CSMD3: variants seen among roughly 807,000 people sequenced by gnomAD.
CSMD3 encodes CUB and sushi domain-containing protein 3.
In CSMD3, 177 loss-of-function variants were observed where a neutral mutation model predicts 435.2. The ratio of observed to expected loss-of-function variants is 0.41; its 90% CI spans 0.36 to 0.46. The LOEUF (loss-of-function observed/expected upper bound fraction) is 0.46, where lower values mean the gene tolerates loss of function less well. Among genes scored for constraint, CSMD3 ranks in the 20% least tolerant of loss-of-function variants. The pLI, the probability that CSMD3 is intolerant of heterozygous loss-of-function variation, is 0.34. For synonymous variants in CSMD3, 1,656 were observed against 1,520.5 expected (o/e 1.09, Z -2.07); for missense variants, 4,265 against 4,504.6 (o/e 0.95, Z 1.52).
At chr8:112,810,985 T>C (rs1204916169) in intron 12 of CSMD3, among the ~76,000 whole-genome samples, 1 of 152,056 alleles carries the variant, frequency 6.6e-6, no homozygotes, top group Non-Finnish European at 1.5e-5. Flanking sequence ...TTTTTGTTCA[T>C]GGCTAATCAA....
rs765681491 is a variant in CSMD3 at position 112,287,144 on chromosome 8, G to A, written c.9251C>T (p.Thr3084Ile). 3 of 1,613,752 alleles carry A rather than the reference G, an allele frequency of 1.9e-6. No homozygotes were observed. The highest frequency in any genetic ancestry group is 1.7e-4 in the Middle Eastern group (1 of 6,058). ...TKSTVRYACD[T>I]GYILHGSEER... Reference sequence around the variant, plus strand: ...TTCTGAGCCATGAAGGATGTAACCAGTATCACAAGCATAACGTACAGTACT... The same window carrying A: ...TTCTGAGCCATGAAGGATGTAACCAATATCACAAGCATAACGTACAGTACT... The change falls in exon 58 of 71, where the codon ACT (threonine) becomes ATT (isoleucine). Residue 3084 changes from threonine (T) to isoleucine (I), a missense_variant. Physicochemically the swap from Thr to Ile is moderately conservative, Grantham distance 89. Around this residue, in one of 3 missense-constraint regions of CSMD3, gnomAD observed 3,255 missense variants for 3,380.2 expected, o/e 0.96. Transcript: ENST00000297405.
chr8:112,569,666 G>T (rs1361786333), intron 24 of CSMD3, among the ~76,000 whole-genome samples: 1 of 152,076 alleles, frequency 6.6e-6, no homozygotes, highest in East Asian at 1.9e-4. Context: ...ATTAAATAGG[G>T]CAGGTATCAT....
At chr8:113,167,976 A>C (rs537211236) in intron 4 of CSMD3, among the ~76,000 whole-genome samples, 1 of 152,300 alleles carries the variant, frequency 6.6e-6, no homozygotes, top group Non-Finnish European at 1.5e-5. Context: ...TATTTAAAAT[A>C]ATATGTTTGA....
In CSMD3 at chr8:113,028,237, G is replaced by A. The variant is rs114610404; in HGVS notation, c.918-9058C>T. ...GTTACTCTTCTAATTGCTTTTGGGT[G>A]TCACAAACTGTGCCCATGCAAGATG... On this transcript the variant is annotated intron_variant, in intron 5 of 70. Coordinates refer to ENST00000297405, the MANE Select transcript of CSMD3 (RefSeq NM_198123.2). Among the ~76,000 whole-genome samples, 1,222 of 152,046 alleles carry A rather than the reference G, an allele frequency of 8.0e-3. 22 individuals carry two copies. Among genetic ancestry groups the A allele is most frequent in the African/African-American group, 0.027 (1,143 of 41,564 alleles).
rs10615805 is a variant in CSMD3 at position 113,397,821 on chromosome 8, AAAATAAATAAATAAAT to A, written c.178+38840_178+38855del. On this transcript the variant is annotated intron_variant, in intron 1 of 70. Coordinates refer to ENST00000297405, the MANE Select transcript of CSMD3 (RefSeq NM_198123.2). ...CGCGAAGGAGCGAGAGTCCGTCTCA[AAAATAAATAAATAAAT>A]AAATAAATAAATAAATAAATAAATA... is the stretch of plus-strand genomic sequence containing the variant. Among the ~76,000 whole-genome samples the A allele has an allele frequency of 5.1e-3, 731 of 143,132 alleles. 8 individuals carry two copies. The highest frequency in any genetic ancestry group is 0.016 in the African/African-American group (630 of 38,688). 93.9% of individuals were successfully genotyped at this position (143,132 alleles called of 152,430 possible).
Position 113,019,063 on chromosome 8 carries a change from A to C in CSMD3, c.1030+4T>G, listed in dbSNP as rs767834963. The C allele has an allele frequency of 6.4e-7, 1 of 1,561,606 alleles. No homozygotes were observed. Among genetic ancestry groups the C allele is most frequent in the Non-Finnish European group, 8.8e-7 (1 of 1,132,096 alleles). On this transcript the variant is annotated splice_donor_region_variant and intron_variant, in intron 6 of 70. Coordinates refer to ENST00000297405, the MANE Select transcript of CSMD3 (RefSeq NM_198123.2). ...AAAGAGGCAAAGGTATTCCATAAGT[A>C]TACCTTGATAGGGAGCACTAAATCC...
intron 12 of CSMD3, among the ~76,000 whole-genome samples, chr8:112,800,629 A>G (rs1467517649): frequency 6.6e-6 from 1 of 152,036 alleles, no homozygotes; most frequent in African/African-American, 2.4e-5. Flanking sequence ...ATATCTTAAC[A>G]TTCCCAGTTT....
intron 3 of CSMD3, among the ~76,000 whole-genome samples, chr8:113,223,120 C>T (rs981080331): frequency 2.7e-5 from 4 of 150,360 alleles, no homozygotes; most frequent in Non-Finnish European, 6.0e-5. Context: ...AATATTTACT[C>T]AAAAGTATAA....
intron 45 of CSMD3, among the ~76,000 whole-genome samples, chr8:112,320,201 C>A (rs1424867051): frequency 6.6e-6 from 1 of 151,818 alleles, no homozygotes; most frequent in Non-Finnish European, 1.5e-5. Flanking sequence ...TATTTCTTAC[C>A]CTTATTCTAG....
intron 10 of CSMD3, among the ~76,000 whole-genome samples, chr8:112,870,842 T>A (rs1229708136): frequency 6.6e-6 from 1 of 152,004 alleles, no homozygotes; most frequent in African/African-American, 2.4e-5. Flanking sequence ...AATACTAAAC[T>A]AGCAGATAAA....
At chr8:112,536,705 A>C (rs1465764719) in intron 27 of CSMD3, among the ~76,000 whole-genome samples, 3 of 149,206 alleles carry the variant, frequency 2.0e-5, no homozygotes, top group Non-Finnish European at 4.4e-5. Context: ...TGCTGCTATA[A>C]AGACACACGC....
chr8:113,348,282 G>A (rs1440220058), intron 1 of CSMD3, among the ~76,000 whole-genome samples: 1 of 152,082 alleles, frequency 6.6e-6, no homozygotes, highest in African/African-American at 2.4e-5. Context: ...ACAGCACTGT[G>A]AGGTACCTGT....
intron 61 of CSMD3, among the ~76,000 whole-genome samples, chr8:112,257,160 T>C (rs1199984545): frequency 3.3e-5 from 5 of 152,178 alleles, no homozygotes; most frequent in African/African-American, 9.7e-5. Flanking sequence ...TCATACTGAA[T>C]GGGCAAAAAC....
chr8:113,069,596 C>T (rs2089013855), intron 5 of CSMD3, among the ~76,000 whole-genome samples: 1 of 151,972 alleles, frequency 6.6e-6, no homozygotes, highest in Non-Finnish European at 1.5e-5. Flanking sequence ...GCAAGATGTC[C>T]AGATGTGGGC....
intron 4 of CSMD3, among the ~76,000 whole-genome samples, chr8:113,108,240 C>T (rs1160034411): frequency 6.6e-6 from 1 of 151,940 alleles, no homozygotes. Flanking sequence ...CCATCCTGGA[C>T]AACATGGTGA....
chr8:113,067,463 T>C (rs2088910155), intron 5 of CSMD3, among the ~76,000 whole-genome samples: 1 of 152,094 alleles, frequency 6.6e-6, no homozygotes, highest in African/African-American at 2.4e-5. Context: ...TCCTTAAGCT[T>C]TGTGAAGTTC....
At chr8:112,965,495 C>T (rs2130884101) in intron 7 of CSMD3, among the ~76,000 whole-genome samples, 1 of 151,802 alleles carries the variant, frequency 6.6e-6, no homozygotes, top group Middle Eastern at 3.4e-3. Flanking sequence ...TATAGGTTTC[C>T]TTAAAGACCT....
intron 5 of CSMD3, among the ~76,000 whole-genome samples, chr8:113,026,160 A>C (rs2086868731): frequency 6.6e-6 from 1 of 152,144 alleles, no homozygotes; most frequent in African/African-American, 2.4e-5. Flanking sequence ...TTCTTGCAGC[A>C]AGAACTGTAG....
At chr8:113,146,077 T>G (rs2091666188) in intron 4 of CSMD3, among the ~76,000 whole-genome samples, 1 of 151,510 alleles carries the variant, frequency 6.6e-6, no homozygotes, top group Non-Finnish European at 1.5e-5. Flanking sequence ...GCATAAAATG[T>G]AAATATATAA....
Sources: gnomAD v4.1 joint callset for allele counts (sites outside exome capture counted in the v4.1 genomes callset) on GRCh38, gnomAD v4.1.1 for gene constraint, gnomAD v4.1.1 regional missense constraint, MANE v1.5 for transcripts, NCBI Gene and HGNC (gene_info 2026-07-23, HGNC 2026-07-21) for gene names.